The following DNAAF8 variants were observed in gnomAD, a reference collection of about 807,000 sequenced individuals.
The protein encoded by DNAAF8 is dynein axonemal-associated protein 1.
A neutral mutation model predicts 54.6 loss-of-function variants in DNAAF8; 61 were observed. That is an observed-to-expected ratio of 1.12 (90% confidence interval 0.91 to 1.38). The LOEUF (loss-of-function observed/expected upper bound fraction) is 1.38. Among genes scored for constraint, DNAAF8 ranks in the 40% most tolerant of loss-of-function variants. The pLI, the probability that DNAAF8 is intolerant of heterozygous loss-of-function variation, is 0.00. For missense variants in DNAAF8, 837 were observed against 665.0 expected (o/e 1.26, Z -2.85); for synonymous variants, 320 against 270.1 (o/e 1.18, Z -1.81).
intron 3 of DNAAF8, among the ~76,000 whole-genome samples, chr16:4,739,262 C>CTTGTTTTTTTTTTTTTTTTT (rs2081930906): frequency 2.8e-5 from 1 of 36,240 alleles, no homozygotes; most frequent in Non-Finnish European, 7.0e-5. Flanking sequence ...ATGATTTTTT[C>CTTGTTTTTTTTTTTTTTTTT]TTGTTTTTTT....
intron 5 of DNAAF8, chr16:4,743,853 G>A (rs954425218): frequency 6.0e-5 from 9 of 150,970 alleles, no homozygotes; most frequent in African/African-American, 2.0e-4. Context: ...TGGAGGACAT[G>A]TGTGTGCATG....
At chr16:4,746,572 G>A (rs541171905) in intron 7 of DNAAF8, 60 bp downstream of exon 7, 405 of 1,542,690 alleles carry the variant, frequency 2.6e-4, no homozygotes, top group Non-Finnish European at 3.3e-4. Flanking sequence ...CCTGTTGACC[G>A]CACAGAGCCT....
In DNAAF8 at chr16:4,747,155, G is replaced by C. The variant is rs773794050; in HGVS notation, c.1280+130G>C. ...ACCCACCGCACAGGGTGAGGGGGACGGCACAGCTTTCATCATCCTGCCCAC... is the reference window on the plus strand; with the variant it reads ...ACCCACCGCACAGGGTGAGGGGGACCGCACAGCTTTCATCATCCTGCCCAC... On this transcript the variant is annotated intron_variant, in intron 8 of 9. Transcript: ENST00000299320. 14 of 1,204,176 alleles carry C rather than the reference G, an allele frequency of 1.2e-5. 1 individual carries two copies. The highest frequency in any genetic ancestry group is 2.6e-5 in the Admixed American group (1 of 37,796). The allele number at this position is 1,204,176 out of a possible 1,614,324, so 74.6% of individuals were successfully genotyped here.
chr16:4,734,936 CT>C (rs1420566611), intron 1 of DNAAF8: 1 of 152,160 alleles, frequency 6.6e-6, no homozygotes, highest in Non-Finnish European at 1.5e-5. Flanking sequence ...GGCTAACAGG[CT>C]GCAGCTGAGA....
At chr16:4,740,044 G>A in intron 3 of DNAAF8, 109 bp from the exon 4 acceptor site, 1 of 1,323,820 alleles carries the variant, frequency 7.6e-7, no homozygotes, top group Non-Finnish European at 1.0e-6. Context: ...GGGCAACAAA[G>A]CGAGACTTCA....
At chr16:4,748,129 C>G (rs1465563046) in intron 9 of DNAAF8, 1 of 153,482 alleles carries the variant, frequency 6.5e-6, no homozygotes, top group Non-Finnish European at 1.5e-5. Flanking sequence ...CACACACATG[C>G]CTACCCACAC....
At chr16:4,739,661 A>T (rs1217107186) in intron 3 of DNAAF8, among the ~76,000 whole-genome samples, 1 of 147,516 alleles carries the variant, frequency 6.8e-6, no homozygotes, top group Non-Finnish European at 1.5e-5. Flanking sequence ...CGATCCTCCC[A>T]CTTCAGCCTC....
Position 4,737,953 on chromosome 16 carries a change from G to C in DNAAF8, c.276+7G>C, listed in dbSNP as rs2081917035. 6.2e-7 allele frequency: 1 copy of C among 1,613,854 alleles called. No homozygotes were observed. Among genetic ancestry groups the C allele is most frequent in the African/African-American group, 1.3e-5 (1 of 74,934 alleles). Reference sequence around the variant, plus strand: ...TGAAGAGTCCCTTCCCGAGGTCTGTGGGACACAGAAGAGTATACGCCTGTG... The same window carrying C: ...TGAAGAGTCCCTTCCCGAGGTCTGTCGGACACAGAAGAGTATACGCCTGTG... On this transcript the variant is annotated splice_region_variant and intron_variant, in intron 3 of 9. Transcript: ENST00000299320.
At chr16:4,737,691 G>A in intron 2 of DNAAF8, 109 bp from the exon 3 acceptor site, 1 of 1,378,916 alleles carries the variant, frequency 7.3e-7, no homozygotes, top group Non-Finnish European at 1.0e-6. Flanking sequence ...TGGATGGGCT[G>A]GGCGGGCTGG....
Position 4,739,265 on chromosome 16 carries a change from G to GTTTGTTTTTT in DNAAF8, c.277-885_277-884insGTTTTTTTTT, listed in dbSNP as rs2081931486. On this transcript the variant is annotated intron_variant, in intron 3 of 9. Transcript: ENST00000299320. The stretch of plus-strand genomic sequence containing the variant: ...AAACTCTTCTGGATGATTTTTTCTT[G>GTTTGTTTTTT]TTTTTTTTTTTTTTTTTTTTTGTAA... 2.9e-5 allele frequency among the ~76,000 whole-genome samples: 2 copies of GTTTGTTTTTT among 69,030 alleles called. 1 individual carries two copies. Among genetic ancestry groups the GTTTGTTTTTT allele is most frequent in the Non-Finnish European group, 5.2e-5 (2 of 38,442 alleles). 45.3% of individuals were successfully genotyped at this position (69,030 alleles called of 152,430 possible). A position where few individuals can be genotyped will look rare whatever the true frequency, so the allele number is the denominator to read the frequency against.
chr16:4,746,841 G>T, intron 7 of DNAAF8, 86 bp from the exon 8 acceptor site: 1 of 1,282,142 alleles, frequency 7.8e-7, no homozygotes, highest in Non-Finnish European at 1.1e-6. Context: ...TGGGTCACCA[G>T]CAAAGCCCGA....
Position 4,740,296 on chromosome 16 carries a change from C to T in DNAAF8, c.420C>T (p.Ala140=), listed in dbSNP as rs151268685. Reference sequence around the variant, plus strand: ...AGGTCAGCGCTCTTCTTGGGATGGCCGAGGAGCCCCCCAGGTGGCTGGAAG... The same window carrying T: ...AGGTCAGCGCTCTTCTTGGGATGGCTGAGGAGCCCCCCAGGTGGCTGGAAG... ...SGEVSALLGM[A]EEPPRWLEGD... Residue 140 remains alanine (A), a synonymous_variant, in exon 4 of 10, where the codon GCC becomes GCT. Transcript: ENST00000299320. 3.1e-6 allele frequency: 5 copies of T among 1,613,908 alleles called. No individual in the cohort carries two copies. In the South Asian group the frequency reaches 4.4e-5, roughly 14 times the overall value.
intron 7 of DNAAF8, 185 bp from the exon 8 acceptor site, chr16:4,746,742 C>G (rs367553353): frequency 2.7e-6 from 2 of 751,616 alleles, no homozygotes; most frequent in Non-Finnish European, 4.2e-6. Context: ...GAGCCCAACA[C>G]GTCTAGGCTG....
At chr16:4,738,037 T>C in intron 3 of DNAAF8, 91 bp downstream of exon 3, 2 of 1,418,538 alleles carry the variant, frequency 1.4e-6, no homozygotes, top group Middle Eastern at 1.9e-4. Flanking sequence ...ATTTCCACGA[T>C]ATGCTAGAAC....
chr16:4,745,521 C>T (rs568518109), intron 6 of DNAAF8, among the ~76,000 whole-genome samples: 4 of 152,346 alleles, frequency 2.6e-5, no homozygotes, highest in African/African-American at 7.2e-5. Flanking sequence ...CCCAGGGTCC[C>T]GTAAGGCCCC....
intron 3 of DNAAF8, among the ~76,000 whole-genome samples, chr16:4,738,750 G>C (rs1227400247): frequency 1.3e-5 from 2 of 152,156 alleles, no homozygotes; most frequent in African/African-American, 4.8e-5. Context: ...GGGCATGGTG[G>C]CAGGTGCCTG....
chr16:4,745,082 G>A, intron 6 of DNAAF8, 71 bp downstream of exon 6: 1 of 1,540,376 alleles, frequency 6.5e-7, no homozygotes, highest in Non-Finnish European at 8.9e-7. Context: ...GCACTGACTG[G>A]GCCTACCAAG....
In DNAAF8 at chr16:4,746,948, CAGTG is replaced by C. The variant is rs760262877; in HGVS notation, c.1206_1209del (p.Ser402ArgfsTer77). On this transcript the variant is annotated frameshift_variant, in exon 8 of 10. Transcript: ENST00000299320. LOFTEE classifies it high-confidence loss of function. The stretch of plus-strand genomic sequence containing the variant: ...GCAGCTCCAGCCACAGCTCCTCTGA[CAGTG>C]AGGAGGAGGAGGAGGAAGAGATGGC... 1 of 1,562,554 alleles carries C rather than the reference CAGTG, an allele frequency of 6.4e-7. No homozygotes were observed. Among genetic ancestry groups the C allele is most frequent in the Non-Finnish European group, 8.6e-7 (1 of 1,157,450 alleles).
intron 2 of DNAAF8, among the ~76,000 whole-genome samples, chr16:4,737,442 G>A (rs923518004): frequency 3.9e-5 from 6 of 152,322 alleles, no homozygotes; most frequent in Middle Eastern, 3.4e-3. Context: ...CACAGGGGAT[G>A]GGGAGGGCTG....
Sources: gnomAD v4.1 joint callset for allele counts (sites outside exome capture counted in the v4.1 genomes callset) on GRCh38, gnomAD v4.1.1 for gene constraint, MANE v1.5 for transcripts, NCBI Gene and HGNC (gene_info 2026-07-23, HGNC 2026-07-21) for gene names.